EFHC2: variants seen among roughly 807,000 people sequenced by gnomAD.
The protein encoded by EFHC2 is EF-hand domain-containing family member C2.
EFHC2 carries 18 observed loss-of-function variants against 52.7 expected under a neutral mutation model. The observed-to-expected ratio is 0.34, with a 90% CI of 0.24 to 0.51. EFHC2 has a LOEUF of 0.51. EFHC2 is among the 20% of genes least tolerant of loss of function. EFHC2 has a pLI of 0.97. For synonymous variants in EFHC2, 203 were observed against 204.1 expected (o/e 0.99, Z 0.04); for missense variants, 513 against 562.5 (o/e 0.91, Z 0.89).
At chrX:44,314,327 C>T (rs778821446) in intron 1 of EFHC2, among the ~76,000 whole-genome samples, 6 of 112,385 alleles carry the variant, frequency 5.3e-5, no homozygotes, top group African/African-American at 1.3e-4. Context: ...AGGGCAATAG[C>T]CTCTTGCAAA....
chrX:44,290,036 T>C lies in EFHC2; in HGVS notation c.232-17200A>G, dbSNP rs987001314. Among the ~76,000 whole-genome samples the C allele has an allele frequency of 7.1e-5, 8 of 112,316 alleles. No homozygotes were observed. The Admixed American group carries it at 7.5e-4, about 11-fold the overall frequency. On this transcript the variant is annotated intron_variant, in intron 2 of 14. Coordinates refer to ENST00000420999, the MANE Select transcript of EFHC2 (RefSeq NM_025184.4). ...TGCTTTTGTTTGTATTGTTTTCTTA[T>C]GGTATGCTTAATCAATTTGGTTGCT...
intron 1 of EFHC2, among the ~76,000 whole-genome samples, chrX:44,320,815 C>G (rs2038014026): frequency 9.1e-6 from 1 of 110,077 alleles, no homozygotes; most frequent in African/African-American, 3.3e-5. Flanking sequence ...CACTCCTGCA[C>G]TCTGGATTAT....
chrX:44,304,000 T>A (rs915836474), intron 2 of EFHC2, among the ~76,000 whole-genome samples: 1 of 112,458 alleles, frequency 8.9e-6, no homozygotes, highest in African/African-American at 3.2e-5. Context: ...AGAGCAAAAT[T>A]GTAGAGTCTA....
chrX:44,171,503 G>A (rs1012080441), intron 13 of EFHC2, among the ~76,000 whole-genome samples: 26 of 111,474 alleles, frequency 2.3e-4, no homozygotes, highest in African/African-American at 8.5e-4. Context: ...ATTACCCAAC[G>A]AACCCAGGGG....
intron 11 of EFHC2, among the ~76,000 whole-genome samples, chrX:44,202,003 G>A (rs2037009637): frequency 9.0e-6 from 1 of 111,269 alleles, no homozygotes; most frequent in Admixed American, 9.5e-5. Flanking sequence ...CTACTCACAT[G>A]TTGCATTGTA....
At chrX:44,169,263 C>T (rs1424159780) in intron 13 of EFHC2, among the ~76,000 whole-genome samples, 2 of 110,218 alleles carry the variant, frequency 1.8e-5, no homozygotes, top group East Asian at 5.7e-4. Context: ...GCTCTAAAAT[C>T]TTTCTATTTA....
At chrX:44,262,064 T>G (rs185766792) in intron 3 of EFHC2, among the ~76,000 whole-genome samples, 2 of 111,264 alleles carry the variant, frequency 1.8e-5, no homozygotes, top group East Asian at 5.7e-4. Context: ...CTTGAGAATA[T>G]GTTCCCAGGG....
intron 2 of EFHC2, among the ~76,000 whole-genome samples, chrX:44,278,922 G>A (rs1602193465): frequency 8.9e-6 from 1 of 111,829 alleles, no homozygotes; most frequent in African/African-American, 3.2e-5. Flanking sequence ...TCTGTCTTTT[G>A]TTATAGAGGT....
intron 1 of EFHC2, among the ~76,000 whole-genome samples, chrX:44,333,498 A>G (rs1459994436): frequency 9.0e-6 from 1 of 111,635 alleles, no homozygotes; most frequent in Non-Finnish European, 1.9e-5. Context: ...ATGGAAAAGA[A>G]GATAGTTTAC....
At chrX:44,215,455 T>G (rs1471340274) in intron 11 of EFHC2, among the ~76,000 whole-genome samples, 1 of 106,859 alleles carries the variant, frequency 9.4e-6, no homozygotes, top group Non-Finnish European at 1.9e-5. Context: ...TCTTACAAAG[T>G]TTAAACATAC....
intron 7 of EFHC2, among the ~76,000 whole-genome samples, chrX:44,245,821 A>T (rs1007078899): frequency 9.0e-6 from 1 of 111,407 alleles, no homozygotes; most frequent in African/African-American, 3.3e-5. Flanking sequence ...TTTGTCTGCC[A>T]TTTTTTCTCC....
At chrX:44,191,360 C>T (rs1602143305) in intron 11 of EFHC2, among the ~76,000 whole-genome samples, 1 of 110,800 alleles carries the variant, frequency 9.0e-6, no homozygotes, top group Non-Finnish European at 1.9e-5. Context: ...CTCAGTCTCC[C>T]GAGTAGCTGG....
intron 1 of EFHC2, among the ~76,000 whole-genome samples, chrX:44,327,833 G>A (rs1347438234): frequency 8.9e-6 from 1 of 111,931 alleles, no homozygotes; most frequent in Non-Finnish European, 1.9e-5. Flanking sequence ...CATTTTTTAA[G>A]CTAATTTCCT....
chrX:44,162,213 G>A (rs749870578), intron 14 of EFHC2, among the ~76,000 whole-genome samples: 4 of 111,427 alleles, frequency 3.6e-5, no homozygotes, highest in Admixed American at 1.9e-4. Flanking sequence ...ACTTGAGGCC[G>A]GGAGTTCGAG....
rs139071590 is a variant in EFHC2, at chrX:44,159,227, C to T, written c.2148+4695G>A. Among the ~76,000 whole-genome samples, 404 of 111,864 alleles carry T rather than the reference C, an allele frequency of 3.6e-3. 2 individuals carry two copies. The highest frequency in any genetic ancestry group is 5.6e-3 in the Non-Finnish European group (300 of 53,178). On this transcript the variant is annotated intron_variant, in intron 14 of 14. Transcript: ENST00000420999. Reference sequence around the variant, plus strand: ...GACACTCCCAAAAAAACATCCTGCACATTAGACTCCATCTGCTTCCTGGAG... The same window carrying T: ...GACACTCCCAAAAAAACATCCTGCATATTAGACTCCATCTGCTTCCTGGAG...
intron 1 of EFHC2, among the ~76,000 whole-genome samples, chrX:44,328,668 G>A (rs1340586211): frequency 8.9e-6 from 1 of 111,974 alleles, no homozygotes; most frequent in Non-Finnish European, 1.9e-5. Context: ...ATTGATTGCA[G>A]AAAGTTTGCA....
intron 11 of EFHC2, among the ~76,000 whole-genome samples, chrX:44,221,343 G>A (rs1485465259): frequency 1.8e-5 from 2 of 111,271 alleles, no homozygotes; most frequent in African/African-American, 6.5e-5. Context: ...CAAAATAAGC[G>A]TATAAAGGCA....
At chrX:44,181,685 A>T (rs1292423726) in intron 11 of EFHC2, among the ~76,000 whole-genome samples, 1 of 112,642 alleles carries the variant, frequency 8.9e-6, no homozygotes, top group Non-Finnish European at 1.9e-5. Context: ...GAAACTGCCA[A>T]CAGCCCTGCA....
intron 2 of EFHC2, among the ~76,000 whole-genome samples, chrX:44,297,455 G>A (rs1465609180): frequency 1.8e-5 from 2 of 110,365 alleles, no homozygotes; most frequent in Admixed American, 1.9e-4. Context: ...GCTGGGCACA[G>A]TGGCTCACAC....
Sources: allele counts gnomAD v4.1 joint callset (sites outside exome capture counted in the v4.1 genomes callset), GRCh38; gene constraint gnomAD v4.1.1; transcripts MANE v1.5; gene names NCBI Gene and HGNC (gene_info 2026-07-23, HGNC 2026-07-21).